The following FAT3 variants were observed in gnomAD, a reference collection of about 807,000 sequenced individuals.
FAT3 encodes FAT atypical cadherin 3.
A neutral mutation model predicts 310.2 loss-of-function variants in FAT3; 95 were observed. That is an observed-to-expected ratio of 0.31 (90% CI 0.26 to 0.36). FAT3 has a LOEUF of 0.36. Ranked by LOEUF, FAT3 falls within the 10% of genes least tolerant of loss-of-function variation. The probability of loss-of-function intolerance (pLI) is 1.00; values close to 1 mark genes in which losing one functional copy is unlikely to be tolerated. For synonymous variants in FAT3, 2,314 were observed against 2,192.9 expected (o/e 1.06, Z -1.54); for missense variants, 5,408 against 5,715.6 (o/e 0.95, Z 1.74).
At position 92,679,916 on chromosome 11, in the gene FAT3, T is replaced by C. The variant is rs1943425107; in HGVS notation, c.3608-17468T>C. Among the ~76,000 whole-genome samples the C allele has an allele frequency of 1.3e-5, 2 of 151,820 alleles. 1 individual carries two copies. Among genetic ancestry groups the C allele is most frequent in the South Asian group, 4.1e-4 (2 of 4,826 alleles). On this transcript the variant is annotated intron_variant, in intron 3 of 27. Transcript: ENST00000525166. ...TGTTAGCCATTTGTATATTTTCTTT[T>C]GAAAAATGTCTATTCATGTCCTTTA...
chr11:92,427,533 G>T (rs1475730565), intron 2 of FAT3, among the ~76,000 whole-genome samples: 2 of 152,074 alleles, frequency 1.3e-5, no homozygotes, highest in Non-Finnish European at 2.9e-5. Flanking sequence ...ATTATTTTGA[G>T]ATATGTTCTA....
intron 1 of FAT3, among the ~76,000 whole-genome samples, chr11:92,243,261 G>A (rs1259148667): frequency 6.6e-6 from 1 of 152,010 alleles, no homozygotes; most frequent in African/African-American, 2.4e-5. Context: ...TAAAGAGTAT[G>A]TATTAGCTAA....
intron 1 of FAT3, among the ~76,000 whole-genome samples, chr11:92,273,056 T>G (rs1946170738): frequency 6.6e-6 from 1 of 152,132 alleles, no homozygotes; most frequent in Admixed American, 6.6e-5. Context: ...CCCATACCAC[T>G]ACTTACCTCA....
intron 4 of FAT3, among the ~76,000 whole-genome samples, chr11:92,729,519 C>T (rs929535149): frequency 3.3e-5 from 5 of 151,410 alleles, no homozygotes; most frequent in Non-Finnish European, 5.9e-5. Flanking sequence ...CTCTGCCTCC[C>T]GGGTTCAAGC....
chr11:92,665,707 T>C (rs2135807127), intron 3 of FAT3, among the ~76,000 whole-genome samples: 1 of 152,340 alleles, frequency 6.6e-6, no homozygotes, highest in African/African-American at 2.4e-5. Flanking sequence ...TTGCCCATGT[T>C]CTCCTGTCTA....
At chr11:92,864,517 A>G (rs1250581297) in intron 21 of FAT3, among the ~76,000 whole-genome samples, 1 of 152,232 alleles carries the variant, frequency 6.6e-6, no homozygotes, top group Non-Finnish European at 1.5e-5. Flanking sequence ...CAAAGATGAT[A>G]GCATAAGATT....
intron 2 of FAT3, among the ~76,000 whole-genome samples, chr11:92,397,680 G>T (rs1482277725): frequency 6.6e-6 from 1 of 151,782 alleles, no homozygotes; most frequent in Non-Finnish European, 1.5e-5. Flanking sequence ...CTCATCCTCA[G>T]AGAGAAGCTC....
intron 9 of FAT3, among the ~76,000 whole-genome samples, chr11:92,794,037 G>C (rs983963762): frequency 6.6e-6 from 1 of 151,920 alleles, no homozygotes; most frequent in African/African-American, 2.4e-5. Context: ...CTTAAAAAAA[G>C]AAAAAGAAAA....
At chr11:92,748,559 A>T (rs1193516190) in intron 4 of FAT3, among the ~76,000 whole-genome samples, 1 of 151,698 alleles carries the variant, frequency 6.6e-6, no homozygotes, top group African/African-American at 2.4e-5. Context: ...ACTTTCCCTT[A>T]TAAACCATTC....
intron 4 of FAT3, among the ~76,000 whole-genome samples, chr11:92,732,534 C>T (rs1162106466): frequency 6.6e-6 from 1 of 152,092 alleles, no homozygotes; most frequent in Non-Finnish European, 1.5e-5. Context: ...TCACAGCAAG[C>T]CATCATCTGA....
At chr11:92,323,334 C>T (rs962807185) in intron 1 of FAT3, among the ~76,000 whole-genome samples, 12 of 151,978 alleles carry the variant, frequency 7.9e-5, no homozygotes, top group African/African-American at 1.5e-4. Flanking sequence ...CTGCAGCCTC[C>T]GCCTCCTAGG....
At chr11:92,458,281 G>A (rs1011065753) in intron 2 of FAT3, among the ~76,000 whole-genome samples, 2 of 152,152 alleles carry the variant, frequency 1.3e-5, no homozygotes, top group Admixed American at 6.5e-5. Flanking sequence ...AATAATAAAT[G>A]TGATAATGCC....
chr11:92,423,731 G>C (rs1950575220), intron 2 of FAT3, among the ~76,000 whole-genome samples: 1 of 152,174 alleles, frequency 6.6e-6, no homozygotes, highest in African/African-American at 2.4e-5. Context: ...CATGATTGTG[G>C]AGCTGGAGAA....
chr11:92,380,072 CGTGTGTGT>C (rs34789717), intron 2 of FAT3, among the ~76,000 whole-genome samples: 93 of 145,272 alleles, frequency 6.4e-4, no homozygotes, highest in Admixed American at 2.2e-3. Context: ...CAAACTGATT[CGTGTGTGT>C]GTGTGTGTGT....
chr11:92,497,245 C>T (rs1952794245), intron 2 of FAT3, among the ~76,000 whole-genome samples: 1 of 152,028 alleles, frequency 6.6e-6, no homozygotes, highest in South Asian at 2.1e-4. Flanking sequence ...CCCCTTTCTG[C>T]TGCCTGGCAC....
chr11:92,644,084 G>A (rs1942058452), intron 3 of FAT3, among the ~76,000 whole-genome samples: 2 of 152,312 alleles, frequency 1.3e-5, no homozygotes, highest in Middle Eastern at 3.4e-3. Flanking sequence ...TGCCTGCGAG[G>A]GCAGCCCAGG....
At position 92,355,147 on chromosome 11, in the gene FAT3, C is replaced by T. The variant is rs369427789; in HGVS notation, c.3035C>T (p.Ala1012Val). ...CAGTTCTATAACCTTACTGTGCGGGCCAAAGACAAAGGGCGGCCTGTCTCT... is the reference window on the plus strand; with the variant it reads ...CAGTTCTATAACCTTACTGTGCGGGTCAAAGACAAAGGGCGGCCTGTCTCT... ...KQQFYNLTVR[A>V]KDKGRPVSLS... Residue 1012 changes from alanine (A) to valine (V), a missense_variant, in exon 2 of 28, where the codon GCC becomes GTC. By Grantham distance (64) the Ala-to-Val change is moderately conservative. Around this residue, in one of 5 missense-constraint regions of FAT3, gnomAD observed 4,588 missense variants for 4,809.8 expected, o/e 0.95. Coordinates refer to ENST00000525166, the MANE Select transcript of FAT3 (RefSeq NM_001367949.2). 3.1e-5 allele frequency: 50 copies of T among 1,613,652 alleles called. No homozygotes were observed. The highest frequency in any genetic ancestry group is 4.0e-5 in the Non-Finnish European group (47 of 1,179,858).
chr11:92,774,224 G>A (rs1946535701), intron 7 of FAT3, 44 bp downstream of exon 7: 2 of 1,555,158 alleles, frequency 1.3e-6, no homozygotes, highest in African/African-American at 2.7e-5. Context: ...TGAAAGAGCT[G>A]CCAAAGTCAG....
chr11:92,393,267 C>G (rs1275792943), intron 2 of FAT3, among the ~76,000 whole-genome samples: 1 of 152,066 alleles, frequency 6.6e-6, no homozygotes, highest in Non-Finnish European at 1.5e-5. Context: ...TGCACACACA[C>G]TCATGTGTGT....
Sources: gnomAD v4.1 joint callset for allele counts (sites outside exome capture counted in the v4.1 genomes callset) on GRCh38, gnomAD v4.1.1 for gene constraint, gnomAD v4.1.1 regional missense constraint, MANE v1.5 for transcripts, NCBI Gene and HGNC (gene_info 2026-07-23, HGNC 2026-07-21) for gene names.